The following TMEM150C variants were observed in gnomAD, a reference collection of about 807,000 sequenced individuals.
The protein encoded by TMEM150C is tentonin 3.
TMEM150C carries 10 observed loss-of-function variants against 29.9 expected under a neutral mutation model. That is an observed-to-expected ratio of 0.33 (90% CI 0.21 to 0.57). The LOEUF is 0.57. TMEM150C is among the 20% of genes least tolerant of loss of function. TMEM150C has a pLI of 0.88. For synonymous variants in TMEM150C, 101 were observed against 112.5 expected (o/e 0.90, Z 0.64); for missense variants, 251 against 303.6 (o/e 0.83, Z 1.29).
In TMEM150C at chr4:82,488,382, A is replaced by G. The variant is rs989861253; in HGVS notation, c.541+1679T>C. ...TTATCTGTGTGATCTTGCGCAAATT[A>G]AACTTCTCCATGATTCACTGTTCTT... On this transcript the variant is annotated intron_variant, in intron 7 of 7. Coordinates refer to ENST00000449862, the MANE Select transcript of TMEM150C (RefSeq NM_001080506.3). Among the ~76,000 whole-genome samples, 9 of 152,216 alleles carry G rather than the reference A, an allele frequency of 5.9e-5. No individual in the cohort carries two copies. In the South Asian group the frequency reaches 1.9e-3, roughly 32 times the overall value.
chr4:82,521,895 G>A (rs1021214098), intron 1 of TMEM150C, among the ~76,000 whole-genome samples: 2 of 152,056 alleles, frequency 1.3e-5, no homozygotes, highest in Admixed American at 6.5e-5. Flanking sequence ...GTGGTGCTTA[G>A]AGGATGAAAT....
At chr4:82,495,945 T>G in intron 6 of TMEM150C, 123 bp downstream of exon 6, 1 of 1,306,648 alleles carries the variant, frequency 7.7e-7, no homozygotes, top group Non-Finnish European at 1.1e-6. Flanking sequence ...TCCTAGTTTT[T>G]AAAAAAAGGT....
At chr4:82,528,294 C>T (rs528290214) in intron 1 of TMEM150C, among the ~76,000 whole-genome samples, 2 of 152,292 alleles carry the variant, frequency 1.3e-5, no homozygotes, top group African/African-American at 2.4e-5. Context: ...ATCACCTGCA[C>T]GGGCTATTGC....
chr4:82,518,795 C>T (rs1724379956), intron 1 of TMEM150C, among the ~76,000 whole-genome samples: 2 of 152,166 alleles, frequency 1.3e-5, no homozygotes, highest in African/African-American at 2.4e-5. Context: ...ACTAATTCAC[C>T]TTTAAAGCAG....
chr4:82,522,387 A>C (rs1449225730), intron 1 of TMEM150C, among the ~76,000 whole-genome samples: 38 of 152,264 alleles, frequency 2.5e-4, no homozygotes, highest in Admixed American at 2.5e-3. Flanking sequence ...ATCAGCTAGC[A>C]GGCAGTAGCC....
intron 1 of TMEM150C, among the ~76,000 whole-genome samples, chr4:82,555,489 C>A (rs1725708595): frequency 1.3e-5 from 2 of 152,134 alleles, no homozygotes; most frequent in Non-Finnish European, 2.9e-5. Flanking sequence ...CTTCAGAGAC[C>A]ACAGGCTGGC....
At chr4:82,558,514 A>C (rs1399050707) in intron 1 of TMEM150C, among the ~76,000 whole-genome samples, 2 of 152,230 alleles carry the variant, frequency 1.3e-5, no homozygotes, top group African/African-American at 4.8e-5. Flanking sequence ...GCTACTGCCA[A>C]AGATTTCACG....
At chr4:82,561,995 C>T (rs1725954750), upstream of TMEM150C, 1 of 1,109,146 alleles carries the variant, frequency 9.0e-7, no homozygotes. Flanking sequence ...GGGTAGGGCG[C>T]TTCCTTCAGG....
At chr4:82,559,069 C>T (rs1725832732) in intron 1 of TMEM150C, among the ~76,000 whole-genome samples, 1 of 152,110 alleles carries the variant, frequency 6.6e-6, no homozygotes, top group Non-Finnish European at 1.5e-5. Context: ...TTGTGAGATC[C>T]ACCCCCTGCC....
At chr4:82,510,454 G>A (rs1724088441) in intron 1 of TMEM150C, among the ~76,000 whole-genome samples, 1 of 152,140 alleles carries the variant, frequency 6.6e-6, no homozygotes, top group African/African-American at 2.4e-5. Flanking sequence ...AGACTCTGGA[G>A]CCAGGCTACC....
rs1723137456 is a variant in TMEM150C, at chr4:82,485,657, T to G, written c.604A>C (p.Met202Leu). ...GTGCCAAAATAAGACAGGAAGCACA[T>G]GACCAGGCCCCACTGGACCCTGGCT... ...YAARVQWGLV[M>L]CFLSYFGTFA... Residue 202 changes from methionine to leucine, a missense_variant, in exon 8 of 8, where the codon ATG becomes CTG. By Grantham distance (15) the Met-to-Leu change is conservative. Coordinates refer to ENST00000449862, the MANE Select transcript of TMEM150C (RefSeq NM_001080506.3). 1.9e-6 allele frequency: 3 copies of G among 1,609,674 alleles called. No homozygotes were observed. The highest frequency in any genetic ancestry group is 2.7e-5 in the African/African-American group (2 of 74,874).
At chr4:82,548,954 A>G (rs1725473700) in intron 1 of TMEM150C, among the ~76,000 whole-genome samples, 1 of 152,236 alleles carries the variant, frequency 6.6e-6, no homozygotes, top group Non-Finnish European at 1.5e-5. Context: ...AGAGGTGGGC[A>G]AGTGCCCCAT....
Position 82,561,934 on chromosome 4 carries a change from C to T in TMEM150C, c.-39G>A. The T allele has an allele frequency of 9.5e-7, 1 of 1,047,302 alleles. No homozygotes were observed. Among genetic ancestry groups the T allele is most frequent in the Non-Finnish European group, 1.2e-6 (1 of 866,416 alleles). 64.9% of individuals were successfully genotyped at this position (1,047,302 alleles called of 1,614,324 possible). ...CTCTGGTGCGGCGGGGCCGCTGTCG[C>T]CTCGAGGGGCTGTGACCTGCTGCGG... On this transcript the variant is annotated 5_prime_UTR_variant, in exon 1 of 8. Transcript: ENST00000449862.
intron 1 of TMEM150C, among the ~76,000 whole-genome samples, chr4:82,528,982 G>A (rs943601465): frequency 1.6e-4 from 24 of 151,804 alleles, no homozygotes; most frequent in African/African-American, 5.8e-4. Flanking sequence ...AAGTGGTCAG[G>A]CTGGACGTGT....
chr4:82,558,178 A>C (rs1432859126), intron 1 of TMEM150C, among the ~76,000 whole-genome samples: 1 of 152,166 alleles, frequency 6.6e-6, no homozygotes, highest in East Asian at 1.9e-4. Flanking sequence ...GAAAATTCAG[A>C]ACTATACTGT....
intron 7 of TMEM150C, among the ~76,000 whole-genome samples, chr4:82,486,861 G>C (rs972150120): frequency 1.3e-5 from 2 of 152,100 alleles, no homozygotes; most frequent in Admixed American, 1.3e-4. Context: ...TAAATGGAAG[G>C]AGGAGCTGGG....
At chr4:82,546,687 G>T (rs897455429) in intron 1 of TMEM150C, among the ~76,000 whole-genome samples, 3 of 152,042 alleles carry the variant, frequency 2.0e-5, no homozygotes, top group Non-Finnish European at 4.4e-5. Flanking sequence ...AATTAGCCAG[G>T]CATGGTAGTG....
chr4:82,494,758 T>C (rs955118489), intron 6 of TMEM150C: 4 of 268,666 alleles, frequency 1.5e-5, no homozygotes, highest in Non-Finnish European at 2.9e-5. Flanking sequence ...GGAGAACCTG[T>C]GCATGTTAGG....
At chr4:82,556,364 A>G (rs1725737521) in intron 1 of TMEM150C, among the ~76,000 whole-genome samples, 1 of 152,246 alleles carries the variant, frequency 6.6e-6, no homozygotes, top group African/African-American at 2.4e-5. Flanking sequence ...ATCAAACACT[A>G]GTAACCGTCA....
Sources: gnomAD v4.1 joint callset for allele counts (sites outside exome capture counted in the v4.1 genomes callset) on GRCh38, gnomAD v4.1.1 for gene constraint, MANE v1.5 for transcripts, NCBI Gene and HGNC (gene_info 2026-07-23, HGNC 2026-07-21) for gene names.